Variants in ADRA1B observed in about 807,000 individuals in gnomAD.
ADRA1B encodes the protein alpha-1B adrenergic receptor.
A neutral mutation model predicts 17.9 loss-of-function variants in ADRA1B; 17 were observed. That is an observed-to-expected ratio of 0.95 (90% CI 0.65 to 1.42). The LOEUF is 1.42. Among genes scored for constraint, ADRA1B ranks in the 40% most tolerant of loss-of-function variants. The pLI is 0.00. For missense variants in ADRA1B, 681 were observed against 722.1 expected (o/e 0.94, Z 0.65); for synonymous variants, 366 against 327.6 (o/e 1.12, Z -1.27).
intron 1 of ADRA1B, among the ~76,000 whole-genome samples, chr5:159,920,168 T>C (rs1754440985): frequency 6.6e-6 from 1 of 152,120 alleles, no homozygotes; most frequent in African/African-American, 2.4e-5. Context: ...TCTGAAGAGG[T>C]AGTCCACAGA....
the ADRA1B span, among the ~76,000 whole-genome samples, chr5:159,978,872 G>T: frequency 6.6e-5 from 10 of 152,284 alleles, no homozygotes; most frequent in Non-Finnish European, 1.2e-4. Context: ...ACCCAATCAA[G>T]CACGGACACC....
In ADRA1B at chr5:159,972,498, C is replaced by A. The variant is rs1198906912; in HGVS notation, c.*6C>A. 5.1e-6 allele frequency: 6 copies of A among 1,169,296 alleles called. No individual in the cohort carries two copies. In the South Asian group the frequency reaches 6.5e-5, roughly 13 times the overall value. 72.4% of individuals were successfully genotyped at this position (1,169,296 alleles called of 1,614,324 possible). A position where few individuals can be genotyped will look rare whatever the true frequency, so the allele number is the denominator to read the frequency against. On this transcript the variant is annotated 3_prime_UTR_variant, in exon 2 of 2. Coordinates refer to ENST00000306675, the MANE Select transcript of ADRA1B (RefSeq NM_000679.4). ...TGGCGCCCGGGCAGTTTTAGGGCCC[C>A]CGTGCGCAGCTTTCTTTCCCTGGGG...
At position 159,940,842 on chromosome 5, in the gene ADRA1B, T is replaced by C. The variant is rs571255773; in HGVS notation, c.949+22988T>C. Among the ~76,000 whole-genome samples, 15 of 152,288 alleles carry C rather than the reference T, an allele frequency of 9.8e-5. No individual in the cohort carries two copies. In the South Asian group the frequency reaches 3.1e-3, roughly 32 times the overall value. On this transcript the variant is annotated intron_variant, in intron 1 of 1. Coordinates refer to ENST00000306675, the MANE Select transcript of ADRA1B (RefSeq NM_000679.4). ...GCTCTTGTACAAAGAAACAAAACAA[T>C]ACAAAGACAGTTCTTTAAACTGGTG...
chr5:159,923,891 C>A (rs1161336523), intron 1 of ADRA1B, among the ~76,000 whole-genome samples: 23 of 152,260 alleles, frequency 1.5e-4, no homozygotes, highest in Non-Finnish European at 2.9e-5. Flanking sequence ...CTAGAAACCC[C>A]TGGAAAGCTT....
chr5:159,909,431 C>T (rs1357136925), intron 1 of ADRA1B, among the ~76,000 whole-genome samples: 2 of 152,212 alleles, frequency 1.3e-5, no homozygotes, highest in Non-Finnish European at 2.9e-5. Flanking sequence ...CCCACCACTT[C>T]CTTTAGACTT....
the ADRA1B span, among the ~76,000 whole-genome samples, chr5:159,983,315 T>C: frequency 2.6e-5 from 4 of 152,116 alleles, no homozygotes; most frequent in African/African-American, 9.7e-5. Flanking sequence ...GGACAAGGCT[T>C]TCCTCTCCAC....
downstream of ADRA1B, among the ~76,000 whole-genome samples, chr5:159,973,106 C>T (rs540770166): frequency 6.6e-6 from 1 of 152,292 alleles, no homozygotes; most frequent in African/African-American, 2.4e-5. Flanking sequence ...GTCTTAGGGT[C>T]CTTCGCTTTC....
chr5:159,902,377 T>G (rs550970291), intron 1 of ADRA1B, among the ~76,000 whole-genome samples: 19 of 152,222 alleles, frequency 1.2e-4, no homozygotes, highest in Non-Finnish European at 2.5e-4. Flanking sequence ...TCATGTAAGA[T>G]GAACAAGTTC....
chr5:159,932,045 A>G (rs1427261539), intron 1 of ADRA1B, among the ~76,000 whole-genome samples: 3 of 152,244 alleles, frequency 2.0e-5, no homozygotes, highest in Non-Finnish European at 2.9e-5. Context: ...GTATTAACAC[A>G]AGTTGGATCA....
chr5:159,944,873 A>G (rs1239617296), intron 1 of ADRA1B, among the ~76,000 whole-genome samples: 2 of 152,202 alleles, frequency 1.3e-5, no homozygotes, highest in African/African-American at 4.8e-5. Flanking sequence ...GAGTGAAAAA[A>G]ACAGGCAAAG....
chr5:159,938,520 G>A (rs757149915), intron 1 of ADRA1B, among the ~76,000 whole-genome samples: 1 of 152,152 alleles, frequency 6.6e-6, no homozygotes, highest in Non-Finnish European at 1.5e-5. Flanking sequence ...AATGAGACTA[G>A]AACAGAAAAT....
In ADRA1B at chr5:159,972,295, C is replaced by T; in HGVS notation, c.1366C>T (p.Leu456=). The change falls in exon 2 of 2, where the codon CTG becomes TTG. Residue 456 remains leucine (L), a synonymous_variant. Coordinates refer to ENST00000306675, the MANE Select transcript of ADRA1B (RefSeq NM_000679.4). The stretch of plus-strand genomic sequence containing the variant: ...GAAGGCGCCCGGCGCCCTCCTGAGC[C>T]TGCCCGCGCCTGAGCCCCCCGGCCG... The part of the protein sequence containing the change: ...EWKAPGALLS[L]PAPEPPGRRG... 7.0e-7 allele frequency: 1 copy of T among 1,419,666 alleles called. No individual in the cohort carries two copies. The highest frequency in any genetic ancestry group is 9.2e-7 in the Non-Finnish European group (1 of 1,091,372). The allele number at this position is 1,419,666 out of a possible 1,614,324, so 87.9% of individuals were successfully genotyped here.
chr5:159,961,838 T>C (rs1581068160), intron 1 of ADRA1B, among the ~76,000 whole-genome samples: 2 of 152,340 alleles, frequency 1.3e-5, no homozygotes, highest in East Asian at 3.9e-4. Flanking sequence ...GCTGGCATTT[T>C]GTAGACCAGA....
intron 1 of ADRA1B, among the ~76,000 whole-genome samples, chr5:159,957,674 G>A (rs1443798850): frequency 6.6e-6 from 1 of 151,824 alleles, no homozygotes; most frequent in Non-Finnish European, 1.5e-5. Flanking sequence ...CCAGGATCAT[G>A]CCTATAATCC....
chr5:159,971,878 G>A lies in ADRA1B; in HGVS notation c.950-1G>A, dbSNP rs747234886. ...CGTGCCCACCCCCCTCCCCACTGCA[G>A]GCTCCTTGTTCTCCACCCTGAAGCC... On this transcript the variant is annotated splice_acceptor_variant, in intron 1 of 1. Coordinates refer to ENST00000306675, the MANE Select transcript of ADRA1B (RefSeq NM_000679.4). LOFTEE classifies it high-confidence loss of function. The A allele has an allele frequency of 8.3e-6, 11 of 1,322,582 alleles. No homozygotes were observed. Among genetic ancestry groups the A allele is most frequent in the Non-Finnish European group, 1.1e-5 (11 of 1,028,986 alleles). 81.9% of individuals were successfully genotyped at this position (1,322,582 alleles called of 1,614,324 possible).
intron 1 of ADRA1B, among the ~76,000 whole-genome samples, chr5:159,918,655 C>T (rs189314496): frequency 1.1e-3 from 161 of 152,350 alleles, no homozygotes; most frequent in African/African-American, 3.7e-3. Flanking sequence ...CGTCCTCCCC[C>T]TCTTATGAAA....
intron 1 of ADRA1B, among the ~76,000 whole-genome samples, chr5:159,966,791 C>A (rs1165561897): frequency 6.6e-6 from 1 of 152,122 alleles, no homozygotes; most frequent in African/African-American, 2.4e-5. Context: ...ACAGAAACAC[C>A]CAAATGTGCA....
At chr5:159,926,920 A>G (rs1754669469) in intron 1 of ADRA1B, among the ~76,000 whole-genome samples, 1 of 152,098 alleles carries the variant, frequency 6.6e-6, no homozygotes, top group South Asian at 2.1e-4. Context: ...TAATAAGTAA[A>G]CAAATAAGGA....
chr5:159,878,218 G>A (rs890344647), intron 1 of ADRA1B, among the ~76,000 whole-genome samples: 3 of 152,174 alleles, frequency 2.0e-5, no homozygotes, highest in African/African-American at 7.2e-5. Flanking sequence ...CTGTTACCTA[G>A]GCTATGTCAG....
Sources: allele counts gnomAD v4.1 joint callset (sites outside exome capture counted in the v4.1 genomes callset), GRCh38; gene constraint gnomAD v4.1.1; transcripts MANE v1.5; gene names NCBI Gene and HGNC (gene_info 2026-07-23, HGNC 2026-07-21).